ZDHHC17: variants seen among roughly 807,000 people sequenced by gnomAD.
ZDHHC17 encodes the protein palmitoyltransferase ZDHHC17.
Under a neutral mutation model 90.3 loss-of-function variants are expected in ZDHHC17, and 40 were observed. The ratio of observed to expected loss-of-function variants is 0.44; its 90% CI spans 0.34 to 0.58. ZDHHC17 has a LOEUF of 0.58. Ranked by LOEUF, ZDHHC17 falls within the 20% of genes least tolerant of loss-of-function variation. The pLI, the probability that ZDHHC17 is intolerant of heterozygous loss-of-function variation, is 0.01. For synonymous variants in ZDHHC17, 235 were observed against 252.4 expected (o/e 0.93, Z 0.65); for missense variants, 614 against 780.8 (o/e 0.79, Z 2.55).
chr12:76,839,081 T>C (rs1292366859), intron 10 of ZDHHC17, among the ~76,000 whole-genome samples: 1 of 152,210 alleles, frequency 6.6e-6, no homozygotes, highest in Admixed American at 6.5e-5. Context: ...TTCTACTTTA[T>C]ATAAGGAAGG....
intron 2 of ZDHHC17, 129 bp from the exon 3 acceptor site, chr12:76,805,188 T>C: frequency 1.1e-6 from 1 of 910,534 alleles, no homozygotes; most frequent in East Asian, 2.9e-5. Flanking sequence ...AAAAGTAATA[T>C]TCTATGTTGA....
At chr12:76,807,783 G>T (rs1952972424) in intron 3 of ZDHHC17, among the ~76,000 whole-genome samples, 1 of 152,072 alleles carries the variant, frequency 6.6e-6, no homozygotes, top group African/African-American at 2.4e-5. Flanking sequence ...TAGAGAAGGG[G>T]ATGAAATTGC....
chr12:76,836,790 T>C (rs1953369127), intron 10 of ZDHHC17, among the ~76,000 whole-genome samples: 1 of 152,178 alleles, frequency 6.6e-6, no homozygotes, highest in Non-Finnish European at 1.5e-5. Flanking sequence ...TCTACCGTGT[T>C]GCTATATTTA....
chr12:76,789,422 A>C (rs1417292290), intron 1 of ZDHHC17, among the ~76,000 whole-genome samples: 1 of 152,190 alleles, frequency 6.6e-6, no homozygotes, highest in East Asian at 1.9e-4. Flanking sequence ...CCTAAAATAC[A>C]CAATCTCAGT....
rs1953537190 is a variant in ZDHHC17, at chr12:76,849,400, A to C, written c.1690A>C (p.Asn564His). 1 of 1,544,078 alleles carries C rather than the reference A, an allele frequency of 6.5e-7. No individual in the cohort carries two copies. Among genetic ancestry groups the C allele is most frequent in the African/African-American group, 1.4e-5 (1 of 72,614 alleles). Residue 564 changes from asparagine (N) to histidine (H), a missense_variant, in exon 16 of 17, where the codon AAT becomes CAT. By Grantham distance (68) the Asn-to-His change is moderately conservative. Transcript: ENST00000426126. ...YQISCLGITT[N>H]ERMNARRYKH... ...GATATCATGTTTAGGTATTACTACA[A>C]ATGAAAGAATGAATGCCAGGAGATA...
chr12:76,776,835 T>TA (rs1952565865), intron 1 of ZDHHC17, among the ~76,000 whole-genome samples: 2 of 152,218 alleles, frequency 1.3e-5, no homozygotes, highest in East Asian at 1.9e-4. Context: ...GACAGTTTTT[T>TA]AAAAAAACTT....
At chr12:76,847,914 C>G (rs1468366087) in intron 14 of ZDHHC17, among the ~76,000 whole-genome samples, 2 of 152,124 alleles carry the variant, frequency 1.3e-5, no homozygotes, top group Non-Finnish European at 1.5e-5. Context: ...TCAAAAAAAT[C>G]TCTTTCATAT....
chr12:76,767,326 A>G (rs561879119), intron 1 of ZDHHC17, among the ~76,000 whole-genome samples: 34 of 152,310 alleles, frequency 2.2e-4, no homozygotes, highest in African/African-American at 8.2e-4. Flanking sequence ...TCACTTTAGT[A>G]TTTGTTAAGC....
intron 7 of ZDHHC17, among the ~76,000 whole-genome samples, chr12:76,818,818 G>T (rs1953122504): frequency 6.6e-6 from 1 of 152,270 alleles, no homozygotes; most frequent in South Asian, 2.1e-4. Flanking sequence ...CTCAGTCATG[G>T]GAAACATTTG....
intron 11 of ZDHHC17, among the ~76,000 whole-genome samples, 181 bp downstream of exon 11, chr12:76,842,287 A>G (rs1953444970): frequency 6.6e-6 from 1 of 152,214 alleles, no homozygotes. Context: ...CCTGTCCATA[A>G]CACTTCCATG....
At position 76,797,035 on chromosome 12, in the gene ZDHHC17, C is replaced by T. The variant is rs182549444; in HGVS notation, c.94-399C>T. ...ATCTCAGCACTTTGGGAGGCCAAGG[C>T]GGGCGGATCACGAGGTCAGGAGATG... On this transcript the variant is annotated intron_variant, in intron 1 of 16. Transcript: ENST00000426126. Among the ~76,000 whole-genome samples the T allele has an allele frequency of 3.2e-3, 490 of 152,054 alleles. 5 individuals are homozygous for T. Among genetic ancestry groups the T allele is most frequent in the Non-Finnish European group, 4.9e-3 (332 of 67,992 alleles).
intron 8 of ZDHHC17, among the ~76,000 whole-genome samples, chr12:76,824,498 T>G (rs1389859311): frequency 6.6e-6 from 1 of 152,112 alleles, no homozygotes; most frequent in Non-Finnish European, 1.5e-5. Flanking sequence ...ATTGGAAAAG[T>G]TTCAGTCATT....
Position 76,851,009 on chromosome 12 carries a change from A to G in ZDHHC17, c.*24A>G. 6.2e-7 allele frequency: 1 copy of G among 1,613,274 alleles called. No individual in the cohort carries two copies. Among genetic ancestry groups the G allele is most frequent in the African/African-American group, 1.3e-5 (1 of 75,018 alleles). On this transcript the variant is annotated 3_prime_UTR_variant, in exon 17 of 17. Coordinates refer to ENST00000426126, the MANE Select transcript of ZDHHC17 (RefSeq NM_015336.4). Reference sequence around the variant, plus strand: ...AGCGACATCTTATCCTATGAAGCATATTGCTGAGTGGTGCCTGAAAATTGT... The same window carrying G: ...AGCGACATCTTATCCTATGAAGCATGTTGCTGAGTGGTGCCTGAAAATTGT...
At chr12:76,849,240 G>A in intron 15 of ZDHHC17, 136 bp from the exon 16 acceptor site, 1 of 450,452 alleles carries the variant, frequency 2.2e-6, no homozygotes, top group Non-Finnish European at 3.8e-6. Flanking sequence ...GGTGGCGGGG[G>A]TGGAATCACT....
intron 1 of ZDHHC17, among the ~76,000 whole-genome samples, chr12:76,766,009 C>T (rs905911689): frequency 3.0e-4 from 45 of 152,276 alleles, no homozygotes; most frequent in African/African-American, 9.6e-4. Context: ...GCCTATCTTA[C>T]GTATTTTAGC....
intron 1 of ZDHHC17, among the ~76,000 whole-genome samples, chr12:76,785,781 A>G (rs1592464472): frequency 6.6e-6 from 1 of 152,236 alleles, no homozygotes; most frequent in African/African-American, 2.4e-5. Context: ...TTTTAAAAGT[A>G]CATGACTTCT....
At chr12:76,828,300 A>G (rs770673092) in intron 9 of ZDHHC17, 90 bp from the exon 10 acceptor site, 27 of 1,152,290 alleles carry the variant, frequency 2.3e-5, no homozygotes, top group East Asian at 1.3e-4. Context: ...AATGCTTACT[A>G]TACAAAATGT....
intron 4 of ZDHHC17, 112 bp from the exon 5 acceptor site, chr12:76,809,601 T>TTG: frequency 1.1e-6 from 1 of 883,124 alleles, no homozygotes. Context: ...AAAATAACTT[T>TTG]TCAAAATACA....
chr12:76,842,902 A>G lies in ZDHHC17; in HGVS notation c.1267-17A>G. On this transcript the variant is annotated splice_polypyrimidine_tract_variant and intron_variant, in intron 11 of 16. Transcript: ENST00000426126. ...ATTGTTCAGTTTTGAATTAAATATTATTTTTTTAATTCACAGACAATAGTT... is the reference window on the plus strand; with the variant it reads ...ATTGTTCAGTTTTGAATTAAATATTGTTTTTTTAATTCACAGACAATAGTT... The G allele has an allele frequency of 6.3e-7, 1 of 1,582,438 alleles. No individual in the cohort carries two copies. The highest frequency in any genetic ancestry group is 8.6e-7 in the Non-Finnish European group (1 of 1,158,754).
Sources: allele counts gnomAD v4.1 joint callset (sites outside exome capture counted in the v4.1 genomes callset), GRCh38; gene constraint gnomAD v4.1.1; transcripts MANE v1.5; gene names NCBI Gene and HGNC (gene_info 2026-07-23, HGNC 2026-07-21).